The following PDCD6IP variants were observed in gnomAD, a reference collection of about 807,000 sequenced individuals.
The protein encoded by PDCD6IP is programmed cell death 6 interacting protein.
A neutral mutation model predicts 103.7 loss-of-function variants in PDCD6IP; 43 were observed. The observed-to-expected ratio is 0.41, with a 90% CI of 0.32 to 0.53. The LOEUF is 0.53. Ranked by LOEUF, PDCD6IP falls within the 20% of genes least tolerant of loss-of-function variation. PDCD6IP has a pLI of 0.16. For synonymous variants in PDCD6IP, 354 were observed against 378.7 expected (o/e 0.93, Z 0.76); for missense variants, 871 against 1,036.7 (o/e 0.84, Z 2.20).
intron 9 of PDCD6IP, 100 bp downstream of exon 9, chr3:33,838,427 A>C (rs1697398824): frequency 1.8e-6 from 2 of 1,126,080 alleles, no homozygotes; most frequent in Non-Finnish European, 2.6e-6. Flanking sequence ...TGTCAAGAGT[A>C]TATAAAATAG....
At chr3:33,799,062 C>T in intron 1 of PDCD6IP, 125 bp downstream of exon 1, 1 of 921,498 alleles carries the variant, frequency 1.1e-6, no homozygotes, top group Non-Finnish European at 1.6e-6. Context: ...CCTGACCAGG[C>T]GCGTAGGTGT....
intron 17 of PDCD6IP, among the ~76,000 whole-genome samples, chr3:33,866,070 AT>A (rs199790931): frequency 0.011 from 1,695 of 151,862 alleles, 23 homozygotes; most frequent in African/African-American, 0.038. Context: ...AAGGGTCTCC[AT>A]TTTTTTTCTT....
At position 33,834,247 on chromosome 3, in the gene PDCD6IP, C is replaced by T. The variant is rs563473745; in HGVS notation, c.835-1797C>T. ...AGGGGCCAGTTGGCTTTGCCTTTAC[C>T]GTCACCTGGCAAGGTTTTCTCATCC... is the stretch of plus-strand genomic sequence containing the variant. On this transcript the variant is annotated intron_variant, in intron 7 of 17. Coordinates refer to ENST00000307296, the MANE Select transcript of PDCD6IP (RefSeq NM_013374.6). Among the ~76,000 whole-genome samples, 19 of 152,236 alleles carry T rather than the reference C, an allele frequency of 1.2e-4. No homozygotes were observed. In the South Asian group the frequency reaches 2.1e-3, roughly 17 times the overall value.
chr3:33,798,839 C>A lies in PDCD6IP; in HGVS notation c.111C>A (p.Ala37=). ...QTYPSGGEEQ[A]QYCRAAEELS... is the part of the protein sequence containing the mutation. ...ACCCAAGCGGCGGGGAAGAGCAGGC[C>A]CAGTACTGCCGCGCGGCGGAGGAGC... Residue 37 remains alanine (A), a synonymous_variant, in exon 1 of 18, where the codon GCC becomes GCA. Coordinates refer to ENST00000307296, the MANE Select transcript of PDCD6IP (RefSeq NM_013374.6). 1 of 1,556,866 alleles carries A rather than the reference C, an allele frequency of 6.4e-7. No homozygotes were observed. The highest frequency in any genetic ancestry group is 8.7e-7 in the Non-Finnish European group (1 of 1,150,336).
chr3:33,805,775 C>T (rs557117821), intron 1 of PDCD6IP, among the ~76,000 whole-genome samples: 6 of 149,454 alleles, frequency 4.0e-5, no homozygotes, highest in African/African-American at 7.4e-5. Context: ...GATGGAGTCT[C>T]ACTCGGTCGC....
rs1266807725 is a variant in PDCD6IP, at chr3:33,842,131, G to C, written c.1359+57G>C. On this transcript the variant is annotated intron_variant, in intron 10 of 17. Coordinates refer to ENST00000307296, the MANE Select transcript of PDCD6IP (RefSeq NM_013374.6). Reference sequence around the variant, plus strand: ...AAACACTGTGATCCCTTGATGTCCAGCAGGGATTGGGACTGGAGACTTCCT... The same window carrying C: ...AAACACTGTGATCCCTTGATGTCCACCAGGGATTGGGACTGGAGACTTCCT... The C allele has an allele frequency of 2.4e-5, 24 of 1,019,688 alleles. No individual in the cohort carries two copies. The Admixed American group carries it at 4.8e-4, about 21-fold the overall frequency. The allele number at this position is 1,019,688 out of a possible 1,614,324, so 63.2% of individuals were successfully genotyped here. A position where few individuals can be genotyped will look rare whatever the true frequency, so the allele number is the denominator to read the frequency against.
At chr3:33,852,864 C>T (rs1217732166) in intron 13 of PDCD6IP, 128 bp downstream of exon 13, 1 of 1,105,666 alleles carries the variant, frequency 9.0e-7, no homozygotes, top group East Asian at 3.5e-5. Flanking sequence ...GAACTTAATA[C>T]ATGTATATTT....
At chr3:33,826,832 A>G in intron 6 of PDCD6IP, 3 of 1,247,016 alleles carry the variant, frequency 2.4e-6, no homozygotes, top group Non-Finnish European at 3.0e-6. Flanking sequence ...TTTCTGGAAA[A>G]TGTTGACCAT....
intron 9 of PDCD6IP, among the ~76,000 whole-genome samples, chr3:33,839,295 G>A (rs1160963813): frequency 2.0e-5 from 3 of 152,130 alleles, no homozygotes; most frequent in African/African-American, 4.8e-5. Flanking sequence ...TTTAAAACAC[G>A]TGTAATCATT....
At chr3:33,848,850 G>T (rs1347007535) in intron 12 of PDCD6IP, among the ~76,000 whole-genome samples, 2 of 152,060 alleles carry the variant, frequency 1.3e-5, no homozygotes, top group Non-Finnish European at 2.9e-5. Context: ...AGCTAAGAAT[G>T]AGTTTTACAT....
chr3:33,842,639 T>A (rs1313852319), intron 10 of PDCD6IP, among the ~76,000 whole-genome samples: 2 of 152,132 alleles, frequency 1.3e-5, no homozygotes, highest in Non-Finnish European at 2.9e-5. Context: ...TTTAAAACTT[T>A]AAAAAATAGT....
intron 15 of PDCD6IP, among the ~76,000 whole-genome samples, chr3:33,857,300 C>T (rs781330805): frequency 1.6e-4 from 25 of 152,038 alleles, no homozygotes; most frequent in Non-Finnish European, 2.6e-4. Context: ...TCTGCCTCAG[C>T]TTCTTAAGTA....
intron 1 of PDCD6IP, among the ~76,000 whole-genome samples, chr3:33,807,840 C>G (rs1418930453): frequency 1.3e-5 from 2 of 152,154 alleles, no homozygotes; most frequent in African/African-American, 4.8e-5. Flanking sequence ...AGCCTTTTTC[C>G]CAGCAGAGTC....
At chr3:33,846,535 G>C (rs1242276942) in intron 12 of PDCD6IP, among the ~76,000 whole-genome samples, 2 of 152,212 alleles carry the variant, frequency 1.3e-5, no homozygotes, top group Non-Finnish European at 2.9e-5. Flanking sequence ...AGTATGTTAC[G>C]AGGATTTAGA....
intron 9 of PDCD6IP, among the ~76,000 whole-genome samples, chr3:33,839,640 G>A (rs757975444): frequency 1.3e-5 from 2 of 152,176 alleles, no homozygotes; most frequent in Non-Finnish European, 2.9e-5. Context: ...AAATTGTTAG[G>A]TTGTGTGGTT....
intron 8 of PDCD6IP, 69 bp from the exon 9 acceptor site, chr3:33,838,135 T>C (rs1449980795): frequency 2.2e-6 from 3 of 1,376,886 alleles, no homozygotes; most frequent in Admixed American, 3.6e-5. Flanking sequence ...AAAGAAAATA[T>C]AAACAGTCAC....
chr3:33,815,874 G>A (rs1696838633), intron 3 of PDCD6IP, among the ~76,000 whole-genome samples: 1 of 152,160 alleles, frequency 6.6e-6, no homozygotes, highest in South Asian at 2.1e-4. Flanking sequence ...CAATTATTAG[G>A]TGATAATAAA....
chr3:33,813,738 T>C (rs1461958260), intron 3 of PDCD6IP, 110 bp downstream of exon 3: 2 of 671,746 alleles, frequency 3.0e-6, no homozygotes, highest in South Asian at 3.8e-5. Context: ...TAAAGTTTTT[T>C]ACATTTCATT....
chr3:33,819,943 C>T (rs1433457583), intron 3 of PDCD6IP, among the ~76,000 whole-genome samples: 1 of 152,154 alleles, frequency 6.6e-6, no homozygotes, highest in Non-Finnish European at 1.5e-5. Flanking sequence ...CAAACATCAT[C>T]TCGAGAACTC....
Sources: gnomAD v4.1 joint callset for allele counts (sites outside exome capture counted in the v4.1 genomes callset) on GRCh38, gnomAD v4.1.1 for gene constraint, MANE v1.5 for transcripts, NCBI Gene and HGNC (gene_info 2026-07-23, HGNC 2026-07-21) for gene names.